ZNF875: variants seen among roughly 807,000 people sequenced by gnomAD.
The protein encoded by ZNF875 is zinc finger protein 875, also known as HKR1, GLI-Kruppel zinc finger family member.
ZNF875 carries 14 observed loss-of-function variants against 11.2 expected under a neutral mutation model. The observed-to-expected ratio is 1.26, with a 90% confidence interval of 0.83 to 1.96. ZNF875 has a LOEUF of 1.96. Among genes scored for constraint, ZNF875 ranks in the 30% most tolerant of loss-of-function variants. The pLI is 0.00. For missense variants in ZNF875, 752 were observed against 760.4 expected, an observed-to-expected ratio of 0.99 and a Z score of 0.13; for synonymous variants, 301 against 281.1, an observed-to-expected ratio of 1.07 and a Z score of -0.71.
At chr19:37,361,361 G>A (rs368023757) in intron 4 of ZNF875, among the ~76,000 whole-genome samples, 2 of 152,056 alleles carry the variant, frequency 1.3e-5, no homozygotes, top group Admixed American at 6.5e-5. Flanking sequence ...TGCCCGCCTC[G>A]GCTTCCCAAA....
At chr19:37,354,316 A>T (rs961387432) in intron 4 of ZNF875, among the ~76,000 whole-genome samples, 4 of 126,522 alleles carry the variant, frequency 3.2e-5, no homozygotes, top group African/African-American at 1.2e-4. Flanking sequence ...GAGTGCTCTC[A>T]GGCAAGAAAG....
At chr19:37,334,981 T>G in intron 1 of ZNF875, 188 bp from the exon 2 acceptor site, 1 of 523,438 alleles carries the variant, frequency 1.9e-6, no homozygotes, top group South Asian at 1.9e-5. Context: ...TCACTCCCTG[T>G]CCCGAGCTTG....
At chr19:37,333,684 A>G (rs956041945), upstream of ZNF875, among the ~76,000 whole-genome samples, 1 of 152,138 alleles carries the variant, frequency 6.6e-6, no homozygotes, top group African/African-American at 2.4e-5. Flanking sequence ...TGACAATTCA[A>G]CAATTGTCCT....
At chr19:37,336,633 G>A (rs967725731) in intron 2 of ZNF875, among the ~76,000 whole-genome samples, 2 of 151,678 alleles carry the variant, frequency 1.3e-5, no homozygotes, top group African/African-American at 4.8e-5. Context: ...CCTTGGCCAG[G>A]CGTGGTGGCT....
At chr19:37,319,294 C>T (rs1030396348) in intron 1 of ZNF875, among the ~76,000 whole-genome samples, 1 of 144,696 alleles carries the variant, frequency 6.9e-6, no homozygotes, top group African/African-American at 2.6e-5. Flanking sequence ...GATCCGCCCG[C>T]CTGGGCCTCC....
chr19:37,341,706 A>T (rs35828893), intron 2 of ZNF875, among the ~76,000 whole-genome samples: 1 of 152,008 alleles, frequency 6.6e-6, no homozygotes, highest in Non-Finnish European at 1.5e-5. Context: ...CCCCCTCCCA[A>T]GATCCCCAAA....
Position 37,347,745 on chromosome 19 carries a change from A to G in ZNF875, c.161-32A>G, listed in dbSNP as rs755274380. ...AGAATGCCCTCTTGAGCCCATAACCAACAATGTCCTCATTTTCTTCCCTAT... is the reference window on the plus strand; with the variant it reads ...AGAATGCCCTCTTGAGCCCATAACCGACAATGTCCTCATTTTCTTCCCTAT... On this transcript the variant is annotated intron_variant, in intron 3 of 4. Transcript: ENST00000392153. The G allele has an allele frequency of 1.6e-5, 23 of 1,411,632 alleles. 1 individual carries two copies. Among genetic ancestry groups the G allele is most frequent in the South Asian group, 1.5e-4 (13 of 86,860 alleles). 87.4% of individuals were successfully genotyped at this position (1,411,632 alleles called of 1,614,324 possible).
intron 2 of ZNF875, among the ~76,000 whole-genome samples, chr19:37,345,801 G>T (rs1280223062): frequency 3.3e-5 from 5 of 152,180 alleles, no homozygotes. Flanking sequence ...TGTACCTAAA[G>T]AGAATAAGTG....
chr19:37,337,736 C>T (rs2034797748), intron 2 of ZNF875: 1 of 152,146 alleles, frequency 6.6e-6, no homozygotes, highest in South Asian at 2.1e-4. Flanking sequence ...AGCCACAGCC[C>T]CCGGCCGAGG....
At chr19:37,320,085 C>T (rs1724337976) in intron 1 of ZNF875, among the ~76,000 whole-genome samples, 1 of 152,042 alleles carries the variant, frequency 6.6e-6, no homozygotes, top group Admixed American at 6.5e-5. Context: ...GATGGGGTTT[C>T]ACCGTGGTCT....
chr19:37,317,466 G>A (rs1248412853), upstream of ZNF875, among the ~76,000 whole-genome samples: 2 of 152,184 alleles, frequency 1.3e-5, no homozygotes, highest in Non-Finnish European at 2.9e-5. Flanking sequence ...GAGCCACCGC[G>A]CCTGGCACTA....
chr19:37,362,744 A>C lies in ZNF875; in HGVS notation c.892A>C (p.Ile298Leu). The C allele has an allele frequency of 6.2e-7, 1 of 1,612,786 alleles. No homozygotes were observed. The highest frequency in any genetic ancestry group is 8.5e-7 in the Non-Finnish European group (1 of 1,179,512). ...GRGFTWKSNL[I>L]THQRTHSGEK... Reference sequence around the variant, plus strand: ...AGGCTTTACGTGGAAGTCAAACCTGATCACACATCAGAGGACACACTCAGG... The same window carrying C: ...AGGCTTTACGTGGAAGTCAAACCTGCTCACACATCAGAGGACACACTCAGG... The change falls in exon 5 of 5, where the codon ATC becomes CTC. Residue 298 changes from isoleucine to leucine, a missense_variant. Coordinates refer to ENST00000392153, the MANE Select transcript of ZNF875 (RefSeq NM_001353803.2).
chr19:37,326,353 G>A (rs2032433119), intron 4 of ZNF875, among the ~76,000 whole-genome samples: 1 of 152,194 alleles, frequency 6.6e-6, no homozygotes, highest in South Asian at 2.1e-4. Context: ...CCACACCCCT[G>A]CAGTCTGTGA....
intron 2 of ZNF875, chr19:37,346,854 G>T: frequency 3.6e-6 from 1 of 277,500 alleles, no homozygotes; most frequent in Non-Finnish European, 6.7e-6. Context: ...GAAGCCTTTT[G>T]ACCTCTCATT....
upstream of ZNF875, chr19:37,312,951 C>G (rs1022754451): frequency 2.6e-5 from 4 of 152,324 alleles, no homozygotes; most frequent in African/African-American, 9.6e-5. Context: ...AGGAGCGCTC[C>G]TGTGTCTTTC....
At chr19:37,319,039 C>T (rs955263548) in intron 1 of ZNF875, among the ~76,000 whole-genome samples, 2 of 150,570 alleles carry the variant, frequency 1.3e-5, no homozygotes, top group Non-Finnish European at 3.0e-5. Context: ...AACTATAATG[C>T]TGGTTTAGAT....
chr19:37,338,320 G>A (rs954223132), intron 2 of ZNF875, among the ~76,000 whole-genome samples: 1 of 152,032 alleles, frequency 6.6e-6, no homozygotes, highest in African/African-American at 2.4e-5. Context: ...ATGGGGTTTC[G>A]CCATGTTGGC....
At chr19:37,348,463 C>T (rs2037249912) in intron 4 of ZNF875, among the ~76,000 whole-genome samples, 1 of 152,078 alleles carries the variant, frequency 6.6e-6, no homozygotes, top group South Asian at 2.1e-4. Context: ...TTATCATTTC[C>T]TTCATATGTA....
Position 37,363,071 on chromosome 19 carries a change from T to A in ZNF875, c.1219T>A (p.Ser407Thr), listed in dbSNP as rs772506484. ...RECEQGFSQK[S>T]HLIRHLRTHT... is the part of the protein sequence containing the mutation. ...GTGTGAGCAAGGCTTTAGCCAGAAG[T>A]CACACCTCATCAGACACTTAAGGAC... Residue 407 changes from serine to threonine, a missense_variant, in exon 5 of 5, where the codon TCA (serine) becomes ACA (threonine). Coordinates refer to ENST00000392153, the MANE Select transcript of ZNF875 (RefSeq NM_001353803.2). 6.2e-7 allele frequency: 1 copy of A among 1,613,744 alleles called. No individual in the cohort carries two copies. The highest frequency in any genetic ancestry group is 8.5e-7 in the Non-Finnish European group (1 of 1,179,990).
Sources: allele counts gnomAD v4.1 joint callset (sites outside exome capture counted in the v4.1 genomes callset), GRCh38; gene constraint gnomAD v4.1.1; transcripts MANE v1.5; gene names NCBI Gene and HGNC (gene_info 2026-07-23, HGNC 2026-07-21).